Variants in CKAP2 observed in about 807,000 individuals in gnomAD.
The protein encoded by CKAP2 is cytoskeleton-associated protein 2.
CKAP2 carries 46 observed loss-of-function variants against 58.4 expected under a neutral mutation model. That is an observed-to-expected ratio of 0.79 (90% CI 0.62 to 1.01). CKAP2 has a LOEUF of 1.01. Ranked by LOEUF, CKAP2 falls within the 50% of genes least tolerant of loss-of-function variation. The pLI is 0.00. For synonymous variants in CKAP2, 293 were observed against 280.9 expected (o/e 1.04, Z -0.43); for missense variants, 809 against 796.4 (o/e 1.02, Z -0.19).
chr13:52,465,571 T>A, intron 6 of CKAP2, 106 bp downstream of exon 6: 2 of 951,422 alleles, frequency 2.1e-6, no homozygotes, highest in Non-Finnish European at 3.3e-6. Context: ...TTTGTATATG[T>A]AGTGGTAATA....
rs779526094 is a variant in CKAP2, at chr13:52,465,464, A to G, written c.1475A>G (p.Gln492Arg). 3 of 1,610,804 alleles carry G rather than the reference A, an allele frequency of 1.9e-6. No homozygotes were observed. In the South Asian group the frequency reaches 3.3e-5, roughly 18 times the overall value. ...GAGAAAGCCATTCTGGCAGGGGCTC[A>G]GGTAAGATAAAAATTTACTGATCTT... is the stretch of plus-strand genomic sequence containing the variant. ...IYEKAILAGA[Q>R]PIEEMRHTIV... is the part of the protein sequence containing the mutation. Residue 492 changes from glutamine to arginine, a missense_variant and splice_region_variant, in exon 6 of 9, where the codon CAG becomes CGG. Physicochemically the swap from Gln to Arg is conservative, Grantham distance 43. Coordinates refer to ENST00000258607, the MANE Select transcript of CKAP2 (RefSeq NM_018204.5).
rs750175699 is a variant in CKAP2, at chr13:52,462,496, G to T, written c.1234G>T (p.Glu412Ter). ...GTCTTTTTGGACTACCATGGCAGAA[G>T]AAGATGAACAAAGATTATTTACTGA... ...VGSFWTTMAE[E>*]DEQRLFTEKV... The change falls in exon 5 of 9, where the codon GAA becomes TAA. Residue 412 changes from glutamate (E) to a stop codon, truncating the protein, a stop_gained. Coordinates refer to ENST00000258607, the MANE Select transcript of CKAP2 (RefSeq NM_018204.5). LOFTEE classifies it high-confidence loss of function. The T allele has an allele frequency of 6.2e-7, 1 of 1,614,066 alleles. No homozygotes were observed. The highest frequency in any genetic ancestry group is 1.6e-4 in the Middle Eastern group (1 of 6,062).
intron 6 of CKAP2, 162 bp downstream of exon 6, chr13:52,465,627 GCTTT>G (rs569656159): frequency 7.0e-5 from 47 of 673,828 alleles, no homozygotes; most frequent in Non-Finnish European, 1.1e-4. Flanking sequence ...CTGTTTGTTG[GCTTT>G]CTAAGTCTTT....
At position 52,475,519 on chromosome 13, in the gene CKAP2, A is replaced by G. The variant is rs922485374; in HGVS notation, c.*378A>G. ...AGGTAAAATGTATGTTTGCCTTGAC[A>G]TGTTTTTAAAAGTTATGATGTACCT... On this transcript the variant is annotated 3_prime_UTR_variant, in exon 9 of 9. Coordinates refer to ENST00000258607, the MANE Select transcript of CKAP2 (RefSeq NM_018204.5). 7 of 159,890 alleles carry G rather than the reference A, an allele frequency of 4.4e-5. No homozygotes were observed. The highest frequency in any genetic ancestry group is 1.7e-4 in the African/African-American group (7 of 41,760). The allele number at this position is 159,890 out of a possible 1,614,324, so 9.9% of individuals were successfully genotyped here.
chr13:52,468,412 C>T (rs1958713980), intron 7 of CKAP2, 65 bp downstream of exon 7: 14 of 1,023,510 alleles, frequency 1.4e-5, no homozygotes, highest in Non-Finnish European at 1.9e-5. Context: ...TGTTTTTTAA[C>T]TTTTATTTTA....
intron 1 of CKAP2, chr13:52,456,256 G>A (rs1958477862): frequency 1.1e-6 from 1 of 950,962 alleles, no homozygotes; most frequent in Non-Finnish European, 1.3e-6. Flanking sequence ...GGAGCTGTAT[G>A]TAGAAAATGA....
intron 2 of CKAP2, among the ~76,000 whole-genome samples, chr13:52,459,519 C>T (rs138932191): frequency 0.02 from 3,026 of 152,078 alleles, 102 homozygotes; most frequent in African/African-American, 0.068. Context: ...GACAGGGTTT[C>T]GCCGTGTTGG....
chr13:52,472,016 A>G (rs1379210162), intron 7 of CKAP2, among the ~76,000 whole-genome samples: 1 of 151,936 alleles, frequency 6.6e-6, no homozygotes, highest in African/African-American at 2.4e-5. Context: ...CCATTTCCTG[A>G]AAGGTTTTTA....
rs548623295 is a variant in CKAP2, at chr13:52,465,840, G to A, written c.1476+375G>A. ...AAGGGATTAAATTCGCTTTTTAAAT[G>A]TTATCAAGCTCTCTTGGTTTTGTGT... On this transcript the variant is annotated intron_variant, in intron 6 of 8. Transcript: ENST00000258607. 270 of 387,262 alleles carry A rather than the reference G, an allele frequency of 7.0e-4. 3 individuals carry two copies. The highest frequency in any genetic ancestry group is 5.1e-3 in the South Asian group (263 of 51,394). 24.0% of individuals were successfully genotyped at this position (387,262 alleles called of 1,614,324 possible). A position where few individuals can be genotyped will look rare whatever the true frequency, so the allele number is the denominator to read the frequency against.
chr13:52,455,971 C>T, intron 1 of CKAP2: 1 of 1,099,672 alleles, frequency 9.1e-7, no homozygotes, highest in East Asian at 6.0e-5. Context: ...CAGGGACCGA[C>T]TGCGCCTGCG....
intron 1 of CKAP2, chr13:52,455,851 G>C: frequency 1.2e-6 from 1 of 861,280 alleles, no homozygotes; most frequent in East Asian, 3.9e-5. Context: ...TGCTGGCTGG[G>C]ATGGGCCCTC....
Position 52,461,233 on chromosome 13 carries a change from C to G in CKAP2, c.407C>G (p.Pro136Arg). 1 of 1,613,722 alleles carries G rather than the reference C, an allele frequency of 6.2e-7. No homozygotes were observed. The highest frequency in any genetic ancestry group is 8.5e-7 in the Non-Finnish European group (1 of 1,179,952). The change falls in exon 4 of 9, where the codon CCC (proline) becomes CGC (arginine). Residue 136 changes from proline (P) to arginine (R), a missense_variant. Physicochemically the swap from Pro to Arg is moderately radical, Grantham distance 103. This residue lies in a region of CKAP2 where 523 missense variants were observed against 492.4 expected (regional missense o/e 1.06). Coordinates refer to ENST00000258607, the MANE Select transcript of CKAP2 (RefSeq NM_018204.5). Reference sequence around the variant, plus strand: ...CATTTGTTACTAACTGAAGATGATCCCCAAAGTCAACATATGACATTAAGC... The same window carrying G: ...CATTTGTTACTAACTGAAGATGATCGCCAAAGTCAACATATGACATTAAGC... ...TPHLLLTEDD[P>R]QSQHMTLSQA...
chr13:52,465,571 T>C, intron 6 of CKAP2, 106 bp downstream of exon 6: 1 of 951,422 alleles, frequency 1.1e-6, no homozygotes, highest in Non-Finnish European at 1.6e-6. Context: ...TTTGTATATG[T>C]AGTGGTAATA....
intron 2 of CKAP2, among the ~76,000 whole-genome samples, chr13:52,457,184 C>T (rs768444886): frequency 6.6e-6 from 1 of 152,054 alleles, no homozygotes; most frequent in Non-Finnish European, 1.5e-5. Flanking sequence ...GATGAGCCAC[C>T]GCGCCCGGCC....
chr13:52,458,979 C>G (rs757765596), intron 2 of CKAP2, among the ~76,000 whole-genome samples: 3 of 152,164 alleles, frequency 2.0e-5, no homozygotes, highest in Non-Finnish European at 4.4e-5. Context: ...ATTTTACAAT[C>G]TCTAAAGTAT....
chr13:52,471,202 T>C (rs1461727182), intron 7 of CKAP2, among the ~76,000 whole-genome samples: 3 of 152,100 alleles, frequency 2.0e-5, no homozygotes, highest in Non-Finnish European at 4.4e-5. Context: ...TGTCTCTTAT[T>C]CACAAAAGAC....
chr13:52,456,888 C>T (rs1456195076), intron 2 of CKAP2, among the ~76,000 whole-genome samples: 1 of 151,730 alleles, frequency 6.6e-6, no homozygotes, highest in Non-Finnish European at 1.5e-5. Context: ...ATTAGATCAT[C>T]GTTTTATTAA....
At chr13:52,463,029 C>T (rs576032493) in intron 5 of CKAP2, among the ~76,000 whole-genome samples, 2 of 152,172 alleles carry the variant, frequency 1.3e-5, no homozygotes, top group African/African-American at 4.8e-5. Flanking sequence ...CCTCTGCCTC[C>T]TGGGTTGAAG....
chr13:52,473,728 TTTA>T, intron 7 of CKAP2, 98 bp from the exon 8 acceptor site: 2 of 1,100,530 alleles, frequency 1.8e-6, no homozygotes, highest in South Asian at 3.2e-5. Context: ...ATCGTGTTCT[TTTA>T]TTTTGAAAAT....
Sources: gnomAD v4.1 joint callset for allele counts (sites outside exome capture counted in the v4.1 genomes callset) on GRCh38, gnomAD v4.1.1 for gene constraint, gnomAD v4.1.1 regional missense constraint, MANE v1.5 for transcripts, NCBI Gene and HGNC (gene_info 2026-07-23, HGNC 2026-07-21) for gene names.